Variants in STK39 observed in about 807,000 individuals in gnomAD.
STK39 encodes the protein serine/threonine kinase 39.
Under a neutral mutation model 77.8 loss-of-function variants are expected in STK39, and 20 were observed. The observed-to-expected ratio is 0.26, with a 90% CI of 0.18 to 0.37. The LOEUF is 0.37. Among genes scored for constraint, STK39 ranks in the 10% least tolerant of loss-of-function variants. The pLI is 1.00. For missense variants in STK39, 479 were observed against 656.5 expected, an observed-to-expected ratio of 0.73 and a Z score of 2.95; for synonymous variants, 246 against 234.1, an observed-to-expected ratio of 1.05 and a Z score of -0.47.
chr2:168,236,975 C>A (rs906858411), intron 1 of STK39, among the ~76,000 whole-genome samples: 1 of 152,006 alleles, frequency 6.6e-6, no homozygotes, highest in Non-Finnish European at 1.5e-5. Context: ...TTTTCCAATT[C>A]TGTGAAGAAA....
chr2:168,100,226 A>C (rs1686785321), intron 10 of STK39, among the ~76,000 whole-genome samples: 1 of 152,196 alleles, frequency 6.6e-6, no homozygotes, highest in South Asian at 2.1e-4. Context: ...GACCAAAGGA[A>C]GGCCAATCAA....
At chr2:168,113,824 T>G (rs1386474038) in intron 10 of STK39, among the ~76,000 whole-genome samples, 1 of 152,196 alleles carries the variant, frequency 6.6e-6, no homozygotes, top group Non-Finnish European at 1.5e-5. Context: ...GGCATGAAGC[T>G]TCTGTCAGGA....
rs147953177 is a variant in STK39, at chr2:167,960,995, G to C, written c.1563+3667C>G. On this transcript the variant is annotated intron_variant, in intron 17 of 17. Coordinates refer to ENST00000355999, the MANE Select transcript of STK39 (RefSeq NM_013233.3). ...ATTTACATTGTAATCCAGTTCCCAA[G>C]GGAAGCTGACACTGTCAGTCTGGGG... Among the ~76,000 whole-genome samples, 3 of 152,286 alleles carry C rather than the reference G, an allele frequency of 2.0e-5. No homozygotes were observed. The East Asian group carries it at 5.8e-4, about 29-fold the overall frequency.
intron 17 of STK39, among the ~76,000 whole-genome samples, chr2:167,956,706 T>C (rs371384713): frequency 4.4e-4 from 12 of 27,318 alleles, no homozygotes; most frequent in African/African-American, 1.1e-3. Context: ...ACTCTCTCTC[T>C]CTCTCTCTCT....
chr2:168,073,502 T>C (rs1489361278), intron 12 of STK39, among the ~76,000 whole-genome samples: 2 of 152,060 alleles, frequency 1.3e-5, no homozygotes, highest in Non-Finnish European at 2.9e-5. Flanking sequence ...GAAGGAGAAA[T>C]AGAGTTCATG....
chr2:168,234,394 C>T (rs957538540), intron 1 of STK39, among the ~76,000 whole-genome samples: 2 of 152,238 alleles, frequency 1.3e-5, no homozygotes, highest in African/African-American at 2.4e-5. Context: ...TAAATAGCCA[C>T]ATATGGTTAG....
intron 10 of STK39, among the ~76,000 whole-genome samples, chr2:168,121,174 G>C (rs1476072790): frequency 1.3e-5 from 2 of 152,176 alleles, no homozygotes; most frequent in African/African-American, 4.8e-5. Context: ...GGTGGAAAGA[G>C]CATAGATTGA....
intron 8 of STK39, 84 bp from the exon 9 acceptor site, chr2:168,129,842 G>C (rs1009665241): frequency 2.7e-6 from 4 of 1,498,044 alleles, no homozygotes; most frequent in Middle Eastern, 2.4e-4. Context: ...AACCTTAAGA[G>C]TATTTCTGGA....
intron 5 of STK39, among the ~76,000 whole-genome samples, chr2:168,148,755 T>G (rs1688206177): frequency 6.6e-6 from 1 of 152,206 alleles, no homozygotes; most frequent in African/African-American, 2.4e-5. Context: ...AGAGGCATAC[T>G]GTGGGATCCT....
At chr2:168,176,018 T>C (rs1369055480) in intron 2 of STK39, among the ~76,000 whole-genome samples, 1 of 152,104 alleles carries the variant, frequency 6.6e-6, no homozygotes, top group African/African-American at 2.4e-5. Context: ...CTACAACAAA[T>C]AGCTAAATGC....
At chr2:168,200,083 C>G (rs187788743) in intron 1 of STK39, among the ~76,000 whole-genome samples, 5 of 152,164 alleles carry the variant, frequency 3.3e-5, no homozygotes, top group African/African-American at 1.2e-4. Context: ...ATAGGGCCAA[C>G]AAAATAATGT....
intron 14 of STK39, among the ~76,000 whole-genome samples, chr2:168,023,236 G>C (rs1211142574): frequency 2.0e-5 from 3 of 150,882 alleles, no homozygotes; most frequent in Middle Eastern, 3.5e-3. Context: ...AAAATGTTTA[G>C]TAATTGATGT....
chr2:168,059,843 C>G (rs903037195), intron 14 of STK39, among the ~76,000 whole-genome samples: 2 of 152,164 alleles, frequency 1.3e-5, no homozygotes, highest in African/African-American at 4.8e-5. Context: ...TTCAGACAAC[C>G]TGGTATATCA....
intron 1 of STK39, among the ~76,000 whole-genome samples, chr2:168,234,361 A>G (rs1364389150): frequency 6.6e-6 from 1 of 152,188 alleles, no homozygotes; most frequent in Non-Finnish European, 1.5e-5. Context: ...TATTTCTTTA[A>G]CTTTACTTAA....
intron 14 of STK39, among the ~76,000 whole-genome samples, chr2:168,033,318 A>T (rs1684873651): frequency 6.6e-6 from 1 of 152,172 alleles, no homozygotes; most frequent in South Asian, 2.1e-4. Context: ...TATGCTCAAT[A>T]GAGGAAATAT....
chr2:167,959,361 G>A (rs13014718), intron 17 of STK39, among the ~76,000 whole-genome samples: 19,849 of 151,272 alleles, frequency 0.13, 1,600 homozygotes, highest in South Asian at 0.23. Context: ...TCCTGACCTC[G>A]TGATCCACAT....
Position 168,175,998 on chromosome 2 carries a change from A to G in STK39, c.321+5980T>C, listed in dbSNP as rs1375259500. 3.9e-5 allele frequency among the ~76,000 whole-genome samples: 6 copies of G among 152,226 alleles called. No homozygotes were observed. In the East Asian group the frequency reaches 7.7e-4, roughly 19 times the overall value. On this transcript the variant is annotated intron_variant, in intron 2 of 17. Coordinates refer to ENST00000355999, the MANE Select transcript of STK39 (RefSeq NM_013233.3). ...TGCATGCTAATGCTATATCCTTAAT[A>G]TAAAAAACTCTACAACAAATAGCTA...
At chr2:168,194,323 G>A (rs2105658525) in intron 1 of STK39, among the ~76,000 whole-genome samples, 1 of 152,288 alleles carries the variant, frequency 6.6e-6, no homozygotes, top group East Asian at 1.9e-4. Flanking sequence ...GGAAGGCAGA[G>A]GTGGGAGGAT....
rs145584255 is a variant in STK39, at chr2:168,057,546, G to GCA, written c.1376+5952_1376+5953dup. Among the ~76,000 whole-genome samples the GCA allele has an allele frequency of 5.3e-5, 8 of 151,584 alleles. No homozygotes were observed. The East Asian group carries it at 9.7e-4, about 18-fold the overall frequency. ...TCCTTAATTATAATCACACGCACGT[G>GCA]CACACACACACACGCATGCACGCGC... On this transcript the variant is annotated intron_variant, in intron 14 of 17. Coordinates refer to ENST00000355999, the MANE Select transcript of STK39 (RefSeq NM_013233.3).
Sources: gnomAD v4.1 joint callset for allele counts (sites outside exome capture counted in the v4.1 genomes callset) on GRCh38, gnomAD v4.1.1 for gene constraint, MANE v1.5 for transcripts, NCBI Gene and HGNC (gene_info 2026-07-23, HGNC 2026-07-21) for gene names.